The following TCF12 variants were observed in gnomAD, a reference collection of about 807,000 sequenced individuals.
The protein encoded by TCF12 is transcription factor 12, also known as DNA-binding protein HTF4.
TCF12 carries 45 observed loss-of-function variants against 86.0 expected under a neutral mutation model. The ratio of observed to expected loss-of-function variants is 0.52; its 90% CI spans 0.41 to 0.67. The LOEUF (loss-of-function observed/expected upper bound fraction) is 0.67. TCF12 is among the 30% of genes least tolerant of loss of function. The probability of loss-of-function intolerance (pLI) is 0.00; values close to 1 mark genes in which losing one functional copy is unlikely to be tolerated. For missense variants in TCF12, 881 were observed against 859.9 expected (o/e 1.02, Z -0.31); for synonymous variants, 330 against 299.6 (o/e 1.10, Z -1.05).
chr15:57,002,318 G>A (rs1359256724), intron 3 of TCF12, among the ~76,000 whole-genome samples: 4 of 152,072 alleles, frequency 2.6e-5, no homozygotes, highest in African/African-American at 9.7e-5. Context: ...GAACACAAAG[G>A]AATAACCAAA....
At chr15:57,008,889 T>A (rs2064647740) in intron 3 of TCF12, among the ~76,000 whole-genome samples, 1 of 152,196 alleles carries the variant, frequency 6.6e-6, no homozygotes, top group Non-Finnish European at 1.5e-5. Flanking sequence ...GTGGTTTAGA[T>A]ACCAAAGAAT....
intron 8 of TCF12, chr15:57,219,426 T>TAG (rs1347649966): frequency 2.4e-5 from 35 of 1,459,922 alleles, no homozygotes; most frequent in Non-Finnish European, 3.0e-5. Flanking sequence ...TGTGAATGCA[T>TAG]AGTACTGAAG....
At chr15:57,138,402 T>C (rs1431023166) in intron 5 of TCF12, among the ~76,000 whole-genome samples, 1 of 152,204 alleles carries the variant, frequency 6.6e-6, no homozygotes, top group Non-Finnish European at 1.5e-5. Flanking sequence ...CTTACCCTGT[T>C]AACCATTCCT....
chr15:57,285,475 C>A (rs2061892886), intron 20 of TCF12, among the ~76,000 whole-genome samples: 1 of 152,074 alleles, frequency 6.6e-6, no homozygotes, highest in South Asian at 2.1e-4. Context: ...TTGTTGAGGA[C>A]CTACTGTGGA....
intron 3 of TCF12, among the ~76,000 whole-genome samples, chr15:56,957,531 A>G (rs941427535): frequency 6.6e-6 from 1 of 152,114 alleles, no homozygotes; most frequent in Admixed American, 6.5e-5. Context: ...CATCTCATAC[A>G]TTATGGTTTT....
At position 57,217,302 on chromosome 15, in the gene TCF12, T is replaced by A. The variant is rs533522865; in HGVS notation, c.580-13850T>A. On this transcript the variant is annotated intron_variant, in intron 8 of 20. Transcript: ENST00000333725. ...TTTTTCCATTAAAGAAATTTGATTA[T>A]ACTATTTGGCTTTTACAGTGAATTT... 2.0e-5 allele frequency among the ~76,000 whole-genome samples: 3 copies of A among 152,310 alleles called. No individual in the cohort carries two copies. In the East Asian group the frequency reaches 5.8e-4, roughly 29 times the overall value.
intron 3 of TCF12, among the ~76,000 whole-genome samples, chr15:57,017,726 CTT>C (rs34230192): frequency 3.8e-4 from 50 of 130,498 alleles, no homozygotes; most frequent in Non-Finnish European, 3.8e-4. Flanking sequence ...AATTTTCTTT[CTT>C]TTTTTTTTTT....
chr15:56,921,970 CATCTT>C (rs2059813460), intron 3 of TCF12, among the ~76,000 whole-genome samples: 2 of 151,868 alleles, frequency 1.3e-5, no homozygotes, highest in African/African-American at 2.4e-5. Context: ...TGTCCTTAAT[CATCTT>C]AAGTAAGTGA....
intron 5 of TCF12, among the ~76,000 whole-genome samples, chr15:57,124,632 T>C (rs1473320344): frequency 1.3e-5 from 2 of 152,162 alleles, no homozygotes; most frequent in Non-Finnish European, 2.9e-5. Context: ...GTCAGTGCAC[T>C]AACATTTTCA....
chr15:57,153,818 TC>T (rs2053927507), intron 5 of TCF12, among the ~76,000 whole-genome samples: 1 of 151,524 alleles, frequency 6.6e-6, no homozygotes, highest in Non-Finnish European at 1.5e-5. Context: ...GGGCAGGAGT[TC>T]CAGACCAGCT....
rs1555400738 is a variant in TCF12 at position 57,225,246 on chromosome 15, T to TTTTG, written c.580-5903_580-5902insGTTT. On this transcript the variant is annotated intron_variant, in intron 8 of 20. Transcript: ENST00000333725. ...TTTTTTTTTTTTTTTTTTTTTTTTT[T>TTTTG]TTTTTAAGACGGAGTCTTGCACTGT... is the stretch of plus-strand genomic sequence containing the variant. Among the ~76,000 whole-genome samples, 295 of 135,190 alleles carry TTTTG rather than the reference T, an allele frequency of 2.2e-3. 13 individuals carry two copies. Among genetic ancestry groups the TTTTG allele is most frequent in the African/African-American group, 8.4e-3 (285 of 34,048 alleles). The allele number at this position is 135,190 out of a possible 152,430, so 88.7% of individuals were successfully genotyped here. A position where few individuals can be genotyped will look rare whatever the true frequency, so the allele number is the denominator to read the frequency against.
At chr15:57,068,430 T>C (rs2069089744) in intron 4 of TCF12, among the ~76,000 whole-genome samples, 1 of 152,226 alleles carries the variant, frequency 6.6e-6, no homozygotes, top group Admixed American at 6.5e-5. Flanking sequence ...ATTTGCCGAC[T>C]CAGTCATGCT....
At chr15:57,219,718 T>TTA in intron 8 of TCF12, 52 of 662,976 alleles carry the variant, frequency 7.8e-5, no homozygotes, top group Non-Finnish European at 1.1e-4. Flanking sequence ...GATTGTAGAT[T>TTA]TCTTTTTTTT....
chr15:57,204,077 CT>C (rs2057691784), intron 8 of TCF12, among the ~76,000 whole-genome samples: 1 of 152,182 alleles, frequency 6.6e-6, no homozygotes, highest in Admixed American at 6.5e-5. Context: ...TTAGACTCTA[CT>C]TTTTCTTGGT....
chr15:56,928,694 A>G (rs1257638867), intron 3 of TCF12, among the ~76,000 whole-genome samples: 1 of 152,200 alleles, frequency 6.6e-6, no homozygotes, highest in African/African-American at 2.4e-5. Context: ...CAGAATAATG[A>G]AGAGAATGTG....
intron 5 of TCF12, among the ~76,000 whole-genome samples, chr15:57,148,618 A>G (rs796738343): frequency 8.6e-5 from 13 of 150,640 alleles, no homozygotes; most frequent in African/African-American, 3.2e-4. Flanking sequence ...ACAGTGGCTC[A>G]TGCCTGTATT....
intron 3 of TCF12, among the ~76,000 whole-genome samples, chr15:56,987,040 C>A (rs1444279727): frequency 6.6e-6 from 1 of 151,514 alleles, no homozygotes; most frequent in Non-Finnish European, 1.5e-5. Flanking sequence ...AGGATAACGC[C>A]AATACTTGAA....
chr15:57,006,942 A>C (rs1429226827), intron 3 of TCF12, among the ~76,000 whole-genome samples: 1 of 152,152 alleles, frequency 6.6e-6, no homozygotes, highest in African/African-American at 2.4e-5. Context: ...AACAACAACA[A>C]AATGAGATAT....
chr15:57,241,475 A>G (rs2059626739), intron 12 of TCF12, among the ~76,000 whole-genome samples: 1 of 152,132 alleles, frequency 6.6e-6, no homozygotes, highest in African/African-American at 2.4e-5. Context: ...CTTTTCCAAA[A>G]TAGCTTTTTA....
Sources: gnomAD v4.1 joint callset for allele counts (sites outside exome capture counted in the v4.1 genomes callset) on GRCh38, gnomAD v4.1.1 for gene constraint, MANE v1.5 for transcripts, NCBI Gene and HGNC (gene_info 2026-07-23, HGNC 2026-07-21) for gene names.